Variants in DSG2 observed in about 807,000 individuals in gnomAD.
The protein encoded by DSG2 is desmoglein-2.
DSG2 carries 45 observed loss-of-function variants against 75.6 expected under a neutral mutation model. The observed-to-expected ratio is 0.60, with a 90% CI of 0.47 to 0.76. DSG2 has a LOEUF of 0.76. DSG2 is among the 30% of genes least tolerant of loss of function. DSG2 has a pLI of 0.00. For missense variants in DSG2, 1,267 were observed against 1,357.4 expected, an observed-to-expected ratio of 0.93 and a Z score of 1.05; for synonymous variants, 429 against 483.9, an observed-to-expected ratio of 0.89 and a Z score of 1.49.
chr18:31,531,478 G>A (rs2073198535), intron 9 of DSG2, among the ~76,000 whole-genome samples: 1 of 152,178 alleles, frequency 6.6e-6, no homozygotes, highest in Non-Finnish European at 1.5e-5. Context: ...GAGGAAGTTA[G>A]TTTACTCACC....
chr18:31,546,425 C>T lies in DSG2; in HGVS notation c.3039C>T (p.Tyr1013=), dbSNP rs539821357. The change falls in exon 15 of 15, where the codon TAC becomes TAT. Residue 1013 remains tyrosine (Y), a synonymous_variant. Transcript: ENST00000261590. ...EGTQHLQDVP[Y]VMVRERESFL... ...CTCAGCATCTTCAAGATGTACCTTA[C>T]GTCATGGTGAGGGAAAGAGAGAGCT... is the stretch of plus-strand genomic sequence containing the variant. 8.1e-6 allele frequency: 13 copies of T among 1,614,156 alleles called. No homozygotes were observed. The highest frequency in any genetic ancestry group is 2.2e-5 in the South Asian group (2 of 91,082).
rs1435038171 is a variant in DSG2 at position 31,538,866 on chromosome 18, A to G, written c.1767A>G (p.Thr589=). Residue 589 remains threonine, a synonymous_variant, in exon 12 of 15, where the codon ACA becomes ACG. Transcript: ENST00000261590. ...CTGAAAAGCAGGTCCTTACACTCACAGTTTGTGAGTGTCTGCATGGCAGCG... is the reference window on the plus strand; with the variant it reads ...CTGAAAAGCAGGTCCTTACACTCACGGTTTGTGAGTGTCTGCATGGCAGCG... ...SCPEKQVLTL[T]VCECLHGSGC... 1.2e-6 allele frequency: 2 copies of G among 1,613,998 alleles called. No homozygotes were observed. The highest frequency in any genetic ancestry group is 1.7e-6 in the Non-Finnish European group (2 of 1,180,018).
chr18:31,528,687 GAGAC>G (rs1012773662), intron 8 of DSG2, among the ~76,000 whole-genome samples: 2 of 142,826 alleles, frequency 1.4e-5, no homozygotes, highest in African/African-American at 5.2e-5. Flanking sequence ...CCCAGCCTAA[GAGAC>G]AGAGCAAGAC....
intron 6 of DSG2, 103 bp downstream of exon 6, chr18:31,522,352 T>G: frequency 8.6e-7 from 1 of 1,159,486 alleles, no homozygotes; most frequent in African/African-American, 1.5e-5. Context: ...GTATTCCTTA[T>G]CCATAGGATA....
intron 1 of DSG2, among the ~76,000 whole-genome samples, chr18:31,515,387 G>T (rs2073089026): frequency 6.6e-6 from 1 of 152,134 alleles, no homozygotes; most frequent in South Asian, 2.1e-4. Context: ...TTACAGGTGT[G>T]AGCCACTGTA....
Position 31,535,431 on chromosome 18 carries a change from C to G in DSG2, c.1423+19C>G. 6.3e-7 allele frequency: 1 copy of G among 1,575,124 alleles called. No individual in the cohort carries two copies. The highest frequency in any genetic ancestry group is 8.7e-7 in the Non-Finnish European group (1 of 1,146,700). ...TCAGAAGGTAAGTTATTAAATAGAT[C>G]TTTTTCTTGATTATATGTATTTAGA... On this transcript the variant is annotated intron_variant, in intron 10 of 14. Coordinates refer to ENST00000261590, the MANE Select transcript of DSG2 (RefSeq NM_001943.5).
At chr18:31,530,249 T>A (rs1457002542) in intron 8 of DSG2, among the ~76,000 whole-genome samples, 1 of 152,158 alleles carries the variant, frequency 6.6e-6, no homozygotes, top group Non-Finnish European at 1.5e-5. Context: ...AATATATAGC[T>A]ATATTAGAGG....
chr18:31,534,335 C>G (rs537669530), intron 9 of DSG2, among the ~76,000 whole-genome samples: 1 of 152,098 alleles, frequency 6.6e-6, no homozygotes, highest in African/African-American at 2.4e-5. Context: ...GCCTTGCTCT[C>G]CCAGCATTGG....
At chr18:31,515,263 C>T (rs945417793) in intron 1 of DSG2, among the ~76,000 whole-genome samples, 10 of 152,036 alleles carry the variant, frequency 6.6e-5, no homozygotes, top group African/African-American at 2.4e-4. Context: ...CCACCACGGG[C>T]AGCTAATATT....
At chr18:31,501,320 G>T (rs1372863796) in intron 1 of DSG2, among the ~76,000 whole-genome samples, 1 of 152,200 alleles carries the variant, frequency 6.6e-6, no homozygotes, top group Non-Finnish European at 1.5e-5. Flanking sequence ...AATGAAGCTT[G>T]TGCTTTAAAA....
chr18:31,546,022 A>G lies in DSG2; in HGVS notation c.2636A>G (p.Glu879Gly), dbSNP rs1462778603. The G allele has an allele frequency of 6.2e-7, 1 of 1,614,210 alleles. No individual in the cohort carries two copies. Among genetic ancestry groups the G allele is most frequent in the South Asian group, 1.1e-5 (1 of 91,086 alleles). ...SLCEQTMVNSENTYSSGSSFP... is the reference protein window; with the variant it reads ...SLCEQTMVNSGNTYSSGSSFP... ...TGTGAGCAAACTATGGTTAATTCAGAGAATACCTACTCCTCTGGCAGTAGC... is the reference window on the plus strand; with the variant it reads ...TGTGAGCAAACTATGGTTAATTCAGGGAATACCTACTCCTCTGGCAGTAGC... Residue 879 changes from glutamate to glycine, a missense_variant, in exon 15 of 15, where the codon GAG (glutamate) becomes GGG (glycine). By Grantham distance (98) the Glu-to-Gly change is moderately conservative. Transcript: ENST00000261590.
At chr18:31,539,035 G>A (rs2073250129) in intron 12 of DSG2, 57 bp downstream of exon 12, 1 of 1,483,820 alleles carries the variant, frequency 6.7e-7, no homozygotes, top group South Asian at 1.1e-5. Flanking sequence ...CACTCCTGGA[G>A]ATGTGTTACT....
chr18:31,541,467 A>C (rs1011950275), intron 13 of DSG2, among the ~76,000 whole-genome samples, 153 bp downstream of exon 13: 8 of 152,218 alleles, frequency 5.3e-5, no homozygotes, highest in African/African-American at 1.7e-4. Context: ...AAATGACAGC[A>C]TATTTTGTGT....
In DSG2 at chr18:31,546,189, G is replaced by A; in HGVS notation, c.2803G>A (p.Ala935Thr). 1 of 1,613,902 alleles carries A rather than the reference G, an allele frequency of 6.2e-7. No homozygotes were observed. Among genetic ancestry groups the A allele is most frequent in the Non-Finnish European group, 8.5e-7 (1 of 1,179,882 alleles). Reference sequence around the variant, plus strand: ...CCCAATGGCTTCTAGAAATGTGATAGCAACAGAAACTTCCTATGTCACAGG... The same window carrying A: ...CCCAATGGCTTCTAGAAATGTGATAACAACAGAAACTTCCTATGTCACAGG... ...PDPMASRNVI[A>T]TETSYVTGST... Residue 935 changes from alanine to threonine, a missense_variant, in exon 15 of 15, where the codon GCA becomes ACA. Ala to Thr is a moderately conservative substitution (Grantham distance 58). Coordinates refer to ENST00000261590, the MANE Select transcript of DSG2 (RefSeq NM_001943.5).
At chr18:31,534,472 A>C (rs553393757) in intron 9 of DSG2, among the ~76,000 whole-genome samples, 1 of 151,468 alleles carries the variant, frequency 6.6e-6, no homozygotes, top group South Asian at 2.1e-4. Context: ...ACAGTATCAG[A>C]AAATTTGTAG....
intron 2 of DSG2, among the ~76,000 whole-genome samples, 185 bp from the exon 3 acceptor site, chr18:31,519,618 C>T (rs1229513291): frequency 6.6e-6 from 1 of 152,138 alleles, no homozygotes; most frequent in Non-Finnish European, 1.5e-5. Flanking sequence ...TGGAGACAAT[C>T]TCTTGAGGCC....
chr18:31,528,151 A>G (rs529669578), intron 8 of DSG2, among the ~76,000 whole-genome samples: 1 of 152,330 alleles, frequency 6.6e-6, no homozygotes, highest in African/African-American at 2.4e-5. Context: ...TTCTTTTAAA[A>G]GTTACACAAG....
At chr18:31,510,021 T>C (rs2073058560) in intron 1 of DSG2, among the ~76,000 whole-genome samples, 1 of 152,240 alleles carries the variant, frequency 6.6e-6, no homozygotes, top group Non-Finnish European at 1.5e-5. Context: ...TGACCTTCTA[T>C]ACAATAAAAG....
intron 1 of DSG2, among the ~76,000 whole-genome samples, chr18:31,512,153 C>G (rs1172820083): frequency 6.6e-6 from 1 of 152,140 alleles, no homozygotes; most frequent in Non-Finnish European, 1.5e-5. Flanking sequence ...ATAAAAACGG[C>G]TCTTACCTCC....
Sources: allele counts gnomAD v4.1 joint callset (sites outside exome capture counted in the v4.1 genomes callset), GRCh38; gene constraint gnomAD v4.1.1; transcripts MANE v1.5; gene names NCBI Gene and HGNC (gene_info 2026-07-23, HGNC 2026-07-21).